NR6A1: variants seen among roughly 807,000 people sequenced by gnomAD.
The protein encoded by NR6A1 is nuclear receptor subfamily 6 group A member 1.
In NR6A1, 7 loss-of-function variants were observed where a neutral mutation model predicts 59.1. The ratio of observed to expected loss-of-function variants is 0.12; its 90% CI spans 0.07 to 0.22. The LOEUF (loss-of-function observed/expected upper bound fraction) is 0.22. Among genes scored for constraint, NR6A1 ranks in the 10% least tolerant of loss-of-function variants. The pLI is 1.00. For synonymous variants in NR6A1, 243 were observed against 236.1 expected (o/e 1.03, Z -0.27); for missense variants, 468 against 611.6 (o/e 0.77, Z 2.48).
intron 2 of NR6A1, among the ~76,000 whole-genome samples, chr9:124,640,033 A>T (rs1199105965): frequency 6.6e-6 from 1 of 152,198 alleles, no homozygotes; most frequent in Non-Finnish European, 1.5e-5. Flanking sequence ...TTCCATTTTT[A>T]AAATGCATAA....
chr9:124,605,276 A>C (rs998352822), intron 2 of NR6A1, among the ~76,000 whole-genome samples: 2 of 152,224 alleles, frequency 1.3e-5, no homozygotes, highest in Admixed American at 6.5e-5. Context: ...CTCAACTTAG[A>C]GGGGGAAAAA....
At chr9:124,578,820 C>A (rs1352887881) in intron 2 of NR6A1, among the ~76,000 whole-genome samples, 1 of 152,196 alleles carries the variant, frequency 6.6e-6, no homozygotes, top group African/African-American at 2.4e-5. Flanking sequence ...AAATCTCTGG[C>A]CCAATTTAAT....
intron 2 of NR6A1, among the ~76,000 whole-genome samples, chr9:124,662,574 T>G (rs1260254762): frequency 6.6e-6 from 1 of 152,180 alleles, no homozygotes; most frequent in African/African-American, 2.4e-5. Flanking sequence ...CCTTAAATAC[T>G]CACAATGTGA....
At chr9:124,686,472 T>C (rs1838333949) in intron 2 of NR6A1, among the ~76,000 whole-genome samples, 1 of 152,230 alleles carries the variant, frequency 6.6e-6, no homozygotes, top group African/African-American at 2.4e-5. Context: ...TTGGTTCCTA[T>C]TGCTTTTACA....
intron 2 of NR6A1, among the ~76,000 whole-genome samples, chr9:124,562,695 T>C (rs1834116083): frequency 6.6e-6 from 1 of 152,180 alleles, no homozygotes; most frequent in Non-Finnish European, 1.5e-5. Context: ...TAAGAGCAGA[T>C]TCAGAGCTCA....
At chr9:124,551,190 G>T (rs1041569006) in intron 3 of NR6A1, among the ~76,000 whole-genome samples, 4 of 152,100 alleles carry the variant, frequency 2.6e-5, no homozygotes, top group Non-Finnish European at 2.9e-5. Context: ...GCCAAGATCT[G>T]GGTGCTGGGT....
chr9:124,610,591 G>C (rs540793370), intron 2 of NR6A1, among the ~76,000 whole-genome samples: 1 of 152,262 alleles, frequency 6.6e-6, no homozygotes, highest in South Asian at 2.1e-4. Context: ...CCAGGTTTTG[G>C]TATCAGGATG....
intron 7 of NR6A1, among the ~76,000 whole-genome samples, chr9:124,532,598 C>T (rs747613349): frequency 6.6e-6 from 1 of 152,224 alleles, no homozygotes; most frequent in Non-Finnish European, 1.5e-5. Context: ...GGAATCAGAA[C>T]TAACATGTTG....
intron 2 of NR6A1, among the ~76,000 whole-genome samples, chr9:124,649,236 A>C (rs1837028315): frequency 2.0e-5 from 3 of 149,308 alleles, no homozygotes; most frequent in African/African-American, 7.4e-5. Context: ...ACTGGCACAA[A>C]AAAAAAAAAA....
At chr9:124,604,806 C>G (rs1835535730) in intron 2 of NR6A1, among the ~76,000 whole-genome samples, 1 of 151,056 alleles carries the variant, frequency 6.6e-6, no homozygotes, top group South Asian at 2.1e-4. Context: ...AGAGCAAGAC[C>G]CTGTCTCAAA....
chr9:124,666,275 C>CTTTTTTTTTTTTTTTTTTTTTTTTTTTT lies in NR6A1; in HGVS notation c.142+67032_142+67033insAAAAAAAAAAAAAAAAAAAAAAAAAAAA, dbSNP rs922378385. 6.8e-5 allele frequency among the ~76,000 whole-genome samples: 7 copies of CTTTTTTTTTTTTTTTTTTTTTTTTTTTT among 103,050 alleles called. 1 individual carries two copies. The highest frequency in any genetic ancestry group is 2.6e-4 in the African/African-American group (6 of 23,010). The allele number at this position is 103,050 out of a possible 152,430, so 67.6% of individuals were successfully genotyped here. On this transcript the variant is annotated intron_variant, in intron 2 of 9. Transcript: ENST00000487099. The stretch of plus-strand genomic sequence containing the variant: ...TTGGCGGAATTACCTCTATGTGGTT[C>CTTTTTTTTTTTTTTTTTTTTTTTTTTTT]TTTTTTTTTTTTTTTTTTTTTGAGA...
At chr9:124,677,135 C>CT (rs1837990686) in intron 2 of NR6A1, among the ~76,000 whole-genome samples, 1 of 152,040 alleles carries the variant, frequency 6.6e-6, no homozygotes, top group Non-Finnish European at 1.5e-5. Flanking sequence ...TGCTCATAAA[C>CT]TAGATATATA....
At chr9:124,723,609 A>G (rs189130159) in intron 2 of NR6A1, among the ~76,000 whole-genome samples, 27 of 152,344 alleles carry the variant, frequency 1.8e-4, no homozygotes, top group African/African-American at 3.8e-4. Flanking sequence ...TAATTGAATA[A>G]AACAGTTTCA....
intron 1 of NR6A1, among the ~76,000 whole-genome samples, chr9:124,750,623 G>A (rs1251490744): frequency 2.0e-5 from 3 of 152,084 alleles, no homozygotes; most frequent in Non-Finnish European, 4.4e-5. Flanking sequence ...AGCCGGGCGT[G>A]GTGGTGGGCG....
chr9:124,729,638 T>C (rs1839827100), intron 2 of NR6A1, among the ~76,000 whole-genome samples: 1 of 152,170 alleles, frequency 6.6e-6, no homozygotes, highest in Non-Finnish European at 1.5e-5. Flanking sequence ...TAGGAGATGT[T>C]ATTCTTTCCC....
At chr9:124,628,634 T>C (rs1408860683) in intron 2 of NR6A1, among the ~76,000 whole-genome samples, 2 of 150,748 alleles carry the variant, frequency 1.3e-5, no homozygotes, top group Non-Finnish European at 3.0e-5. Flanking sequence ...AGCCACCACG[T>C]CCAGCCTATT....
chr9:124,643,178 G>A (rs906516259), intron 2 of NR6A1, among the ~76,000 whole-genome samples: 2 of 151,952 alleles, frequency 1.3e-5, no homozygotes, highest in Non-Finnish European at 2.9e-5. Flanking sequence ...CAAAGAAAAC[G>A]GGGCTGGGCA....
chr9:124,675,063 T>C (rs1837913636), intron 2 of NR6A1, among the ~76,000 whole-genome samples: 1 of 152,216 alleles, frequency 6.6e-6, no homozygotes, highest in Non-Finnish European at 1.5e-5. Flanking sequence ...CCTTCCTGCC[T>C]TATACTAGTC....
chr9:124,769,467 A>C (rs1051159906), intron 1 of NR6A1, among the ~76,000 whole-genome samples: 6 of 152,164 alleles, frequency 3.9e-5, no homozygotes, highest in Admixed American at 2.0e-4. Flanking sequence ...CACTCATTCA[A>C]CAATTGAGCG....
Sources: gnomAD v4.1 joint callset for allele counts (sites outside exome capture counted in the v4.1 genomes callset) on GRCh38, gnomAD v4.1.1 for gene constraint, MANE v1.5 for transcripts, NCBI Gene and HGNC (gene_info 2026-07-23, HGNC 2026-07-21) for gene names.